The following MACROD2 variants were observed in gnomAD, a reference collection of about 807,000 sequenced individuals.
MACROD2 encodes ADP-ribose glycohydrolase MACROD2.
MACROD2 carries 36 observed loss-of-function variants against 70.4 expected under a neutral mutation model. The observed-to-expected ratio is 0.51, with a 90% CI of 0.39 to 0.68. The LOEUF (loss-of-function observed/expected upper bound fraction) is 0.68, where lower values mean the gene tolerates loss of function less well. Among genes scored for constraint, MACROD2 ranks in the 30% least tolerant of loss-of-function variants. The pLI, the probability that MACROD2 is intolerant of heterozygous loss-of-function variation, is 0.00. For missense variants in MACROD2, 496 were observed against 538.4 expected (o/e 0.92, Z 0.78); for synonymous variants, 172 against 178.8 (o/e 0.96, Z 0.30).
intron 5 of MACROD2, among the ~76,000 whole-genome samples, chr20:15,121,888 C>T (rs970596978): frequency 2.6e-5 from 4 of 152,218 alleles, no homozygotes; most frequent in African/African-American, 7.2e-5. Flanking sequence ...GATGTTGCTA[C>T]ATCAGGTTAA....
At chr20:14,222,786 A>C (rs1210943624) in intron 3 of MACROD2, among the ~76,000 whole-genome samples, 2 of 148,076 alleles carry the variant, frequency 1.4e-5, no homozygotes, top group African/African-American at 5.0e-5. Flanking sequence ...TTGACTCTAC[A>C]GTTCACAGTT....
At chr20:14,458,003 A>T (rs181090070) in intron 3 of MACROD2, among the ~76,000 whole-genome samples, 36 of 152,110 alleles carry the variant, frequency 2.4e-4, no homozygotes, top group Middle Eastern at 3.4e-3. Context: ...TGGGAGGCTG[A>T]GGCAGGAGAA....
chr20:15,113,249 AT>A (rs1306251389), intron 5 of MACROD2, among the ~76,000 whole-genome samples: 1 of 152,070 alleles, frequency 6.6e-6, no homozygotes, highest in Non-Finnish European at 1.5e-5. Context: ...TTTTTTGTCC[AT>A]ATCTAAGTTG....
At chr20:14,713,013 CAG>C (rs2071355937) in intron 5 of MACROD2, among the ~76,000 whole-genome samples, 1 of 151,862 alleles carries the variant, frequency 6.6e-6, no homozygotes, top group Non-Finnish European at 1.5e-5. Flanking sequence ...AAGAAGAAAA[CAG>C]AGACAAAAAG....
At chr20:15,774,242 G>A (rs1321474150) in intron 8 of MACROD2, among the ~76,000 whole-genome samples, 1 of 152,150 alleles carries the variant, frequency 6.6e-6, no homozygotes, top group African/African-American at 2.4e-5. Flanking sequence ...ATATGTAAAA[G>A]CAGGGAAGTT....
chr20:15,218,109 A>G (rs1458285516), intron 5 of MACROD2, among the ~76,000 whole-genome samples: 1 of 152,186 alleles, frequency 6.6e-6, no homozygotes, highest in East Asian at 1.9e-4. Context: ...TTTACTCTTA[A>G]CTAACACTTC....
At chr20:15,314,464 C>T (rs2077787657) in intron 6 of MACROD2, among the ~76,000 whole-genome samples, 1 of 152,212 alleles carries the variant, frequency 6.6e-6, no homozygotes, top group African/African-American at 2.4e-5. Context: ...GATATAAAAA[C>T]TTCAAGGTAC....
intron 3 of MACROD2, among the ~76,000 whole-genome samples, chr20:14,230,519 G>A (rs1415715557): frequency 1.3e-5 from 2 of 150,386 alleles, no homozygotes; most frequent in Non-Finnish European, 2.9e-5. Flanking sequence ...TCTAATTCTA[G>A]TTCTCTTGCT....
chr20:14,874,861 C>A (rs2073531623), intron 5 of MACROD2, among the ~76,000 whole-genome samples: 1 of 151,754 alleles, frequency 6.6e-6, no homozygotes, highest in East Asian at 2.0e-4. Context: ...TGCGCCACAA[C>A]CCCTGGCTAA....
chr20:15,831,841 G>T (rs2064059577), intron 8 of MACROD2, among the ~76,000 whole-genome samples: 1 of 152,168 alleles, frequency 6.6e-6, no homozygotes, highest in South Asian at 2.1e-4. Context: ...TATTTGGGAA[G>T]CAATCATGTT....
intron 5 of MACROD2, among the ~76,000 whole-genome samples, chr20:14,769,138 A>G (rs550896029): frequency 1.4e-4 from 21 of 152,216 alleles, no homozygotes; most frequent in African/African-American, 4.6e-4. Context: ...CCCCATCGGA[A>G]AGCTTCCCTC....
At chr20:16,023,682 A>G (rs764796777) in intron 15 of MACROD2, among the ~76,000 whole-genome samples, 20 of 152,006 alleles carry the variant, frequency 1.3e-4, no homozygotes, top group Non-Finnish European at 2.5e-4. Flanking sequence ...TTGGGACTCA[A>G]TCCCACTGAG....
intron 8 of MACROD2, among the ~76,000 whole-genome samples, chr20:15,521,776 G>C (rs1272455729): frequency 6.6e-6 from 1 of 152,114 alleles, no homozygotes; most frequent in Non-Finnish European, 1.5e-5. Context: ...AGCTAACACA[G>C]CTCAAAATAA....
rs953150776 is a variant in MACROD2 at position 15,403,668 on chromosome 20, G to A, written c.541-27737G>A. Among the ~76,000 whole-genome samples the A allele has an allele frequency of 2.0e-5, 3 of 151,578 alleles. No homozygotes were observed. In the South Asian group the frequency reaches 6.2e-4, roughly 31 times the overall value. ...GCGGTCTAAGTGGAAGTTTTCTGGA[G>A]ATTTTATAAAAATTTTTGTCTCTTA... On this transcript the variant is annotated intron_variant, in intron 6 of 17. Coordinates refer to ENST00000684519, the MANE Select transcript of MACROD2 (RefSeq NM_001351661.2).
intron 5 of MACROD2, among the ~76,000 whole-genome samples, chr20:15,112,872 T>C (rs1252164147): frequency 6.6e-6 from 1 of 152,166 alleles, no homozygotes; most frequent in African/African-American, 2.4e-5. Context: ...GTATGTCATA[T>C]AAGTGGAATC....
intron 5 of MACROD2, among the ~76,000 whole-genome samples, chr20:15,074,325 A>ATTGTATT (rs2075641244): frequency 6.6e-6 from 1 of 152,186 alleles, no homozygotes; most frequent in African/African-American, 2.4e-5. Context: ...GTACCTAATG[A>ATTGTATT]AGCTTGTATA....
chr20:15,431,656 C>T (rs1305415261), intron 7 of MACROD2, among the ~76,000 whole-genome samples: 2 of 151,960 alleles, frequency 1.3e-5, no homozygotes, highest in African/African-American at 4.8e-5. Context: ...TTATTTGATA[C>T]ATTGTGGCTT....
intron 5 of MACROD2, among the ~76,000 whole-genome samples, chr20:15,015,537 A>T (rs1376963143): frequency 6.6e-6 from 1 of 152,106 alleles, no homozygotes; most frequent in Admixed American, 6.6e-5. Flanking sequence ...AGCATGTAAA[A>T]TACAATTTCC....
chr20:14,695,615 C>T (rs1214623787), intron 5 of MACROD2, among the ~76,000 whole-genome samples: 1 of 152,174 alleles, frequency 6.6e-6, no homozygotes, highest in Non-Finnish European at 1.5e-5. Context: ...TGAGGGAACT[C>T]AGACACCTTC....
Sources: allele counts gnomAD v4.1 joint callset (sites outside exome capture counted in the v4.1 genomes callset), GRCh38; gene constraint gnomAD v4.1.1; transcripts MANE v1.5; gene names NCBI Gene and HGNC (gene_info 2026-07-23, HGNC 2026-07-21).